Variants in NUP214 observed in about 807,000 individuals in gnomAD.
NUP214 encodes the protein nuclear pore complex protein Nup214.
A neutral mutation model predicts 196.2 loss-of-function variants in NUP214; 79 were observed. The observed-to-expected ratio is 0.40, with a 90% CI of 0.34 to 0.49. The LOEUF is 0.49. Ranked by LOEUF, NUP214 falls within the 20% of genes least tolerant of loss-of-function variation. The pLI is 0.58. For synonymous variants in NUP214, 1,020 were observed against 990.5 expected, an observed-to-expected ratio of 1.03 and a Z score of -0.56; for missense variants, 2,468 against 2,539.0, an observed-to-expected ratio of 0.97 and a Z score of 0.60.
At chr9:131,158,510 C>G (rs1397352933) in intron 17 of NUP214, among the ~76,000 whole-genome samples, 2 of 152,154 alleles carry the variant, frequency 1.3e-5, no homozygotes, top group African/African-American at 2.4e-5. Flanking sequence ...ATGACAGATT[C>G]AGTTTTTAGT....
intron 21 of NUP214, among the ~76,000 whole-genome samples, chr9:131,169,034 G>GTTTTTTTTTT (rs58054099): frequency 2.4e-5 from 3 of 124,132 alleles, no homozygotes; most frequent in African/African-American, 6.2e-5. Context: ...GTTTTTTTTT[G>GTTTTTTTTTT]TTTTTTTTTT....
Position 131,128,466 on chromosome 9 carries a change from C to A in NUP214, c.376C>A (p.Arg126Ser). 6.2e-7 allele frequency: 1 copy of A among 1,612,170 alleles called. No individual in the cohort carries two copies. Among genetic ancestry groups the A allele is most frequent in the East Asian group, 2.2e-5 (1 of 44,844 alleles). The change falls in exon 3 of 36, where the codon CGC becomes AGC. Residue 126 changes from arginine (R) to serine (S), a missense_variant. By Grantham distance (110) the Arg-to-Ser change is moderately radical (BLOSUM62 -1). Coordinates refer to ENST00000359428, the MANE Select transcript of NUP214 (RefSeq NM_005085.4). Reference sequence around the variant, plus strand: ...TTCCATTATTGCTTTTTTTGATGTTCGCACATTCTCAAATGAGGTAAGCTA... The same window carrying A: ...TTCCATTATTGCTTTTTTTGATGTTAGCACATTCTCAAATGAGGTAAGCTA... ...YGSIIAFFDVRTFSNEAKQQK... is the reference protein window; with the variant it reads ...YGSIIAFFDVSTFSNEAKQQK...
intron 17 of NUP214, among the ~76,000 whole-genome samples, chr9:131,154,060 G>A (rs1232963447): frequency 6.6e-6 from 1 of 152,204 alleles, no homozygotes; most frequent in Non-Finnish European, 1.5e-5. Flanking sequence ...ACGCAGAGGT[G>A]TGGTTGTATC....
In NUP214 at chr9:131,139,319, A is replaced by C. The variant is rs775954498; in HGVS notation, c.1044A>C (p.Arg348=). 14 of 1,552,478 alleles carry C rather than the reference A, an allele frequency of 9.0e-6. No individual in the cohort carries two copies. The South Asian group carries it at 1.3e-4, about 15-fold the overall frequency. ...CTTGGCTACTGGAGGATTCTAGTCG[A>C]GCTGAATTGCCTGTGACAGACAAGA... ...WESWLLEDSS[R]AELPVTDKSD... The change falls in exon 10 of 36, where the codon CGA becomes CGC. Residue 348 remains arginine (R), a synonymous_variant. Transcript: ENST00000359428.
intron 21 of NUP214, among the ~76,000 whole-genome samples, chr9:131,164,905 G>T (rs187421396): frequency 1.6e-4 from 24 of 152,172 alleles, no homozygotes; most frequent in African/African-American, 5.5e-4. Context: ...TTTTCTTTGA[G>T]ATTCTGTTTT....
intron 34 of NUP214, among the ~76,000 whole-genome samples, chr9:131,231,956 T>C (rs887616830): frequency 6.8e-6 from 1 of 147,368 alleles, no homozygotes; most frequent in African/African-American, 2.5e-5. Flanking sequence ...TGAATGGATC[T>C]ATGTGGTCCA....
At chr9:131,135,337 T>A in intron 8 of NUP214, 1 of 242,708 alleles carries the variant, frequency 4.1e-6, no homozygotes. Context: ...CCCAAAGTAC[T>A]GAGATTACAG....
At position 131,234,570 on chromosome 9, in the gene NUP214, C is replaced by G. The variant is rs1423079425; in HGVS notation, c.*1083C>G. Reference sequence around the variant, plus strand: ...GTGCTTTGGCTTGGGTCATGAGCAGCGGGGAGTTGGGAAGAGATTTTTTTT... The same window carrying G: ...GTGCTTTGGCTTGGGTCATGAGCAGGGGGGAGTTGGGAAGAGATTTTTTTT... On this transcript the variant is annotated 3_prime_UTR_variant, in exon 36 of 36. Coordinates refer to ENST00000359428, the MANE Select transcript of NUP214 (RefSeq NM_005085.4). The G allele has an allele frequency of 8.7e-6, 2 of 230,384 alleles. No homozygotes were observed. Among genetic ancestry groups the G allele is most frequent in the East Asian group, 1.2e-4 (2 of 16,350 alleles). The allele number at this position is 230,384 out of a possible 1,614,324, so 14.3% of individuals were successfully genotyped here. A position where few individuals can be genotyped will look rare whatever the true frequency, so the allele number is the denominator to read the frequency against.
intron 16 of NUP214, among the ~76,000 whole-genome samples, chr9:131,151,348 A>G (rs1832257703): frequency 6.6e-6 from 1 of 152,226 alleles, no homozygotes; most frequent in Non-Finnish European, 1.5e-5. Context: ...GTCAAAAGTC[A>G]CCCACTTAGC....
chr9:131,139,278 T>TTTTTTC lies in NUP214; in HGVS notation c.1006-3_1006-2insTTTTTC. ...TTCTTTTTTTTTTTTTTTTTTTTTT[T>TTTTTTC]AGATTAATTGGGAATCTTGGCTACT... On this transcript the variant is annotated splice_region_variant and splice_polypyrimidine_tract_variant and intron_variant, in intron 9 of 35. Coordinates refer to ENST00000359428, the MANE Select transcript of NUP214 (RefSeq NM_005085.4). 1 of 1,390,410 alleles carries TTTTTTC rather than the reference T, an allele frequency of 7.2e-7. No homozygotes were observed. Among genetic ancestry groups the TTTTTTC allele is most frequent in the South Asian group, 1.6e-5 (1 of 61,294 alleles). The allele number at this position is 1,390,410 out of a possible 1,614,324, so 86.1% of individuals were successfully genotyped here.
chr9:131,193,674 C>G (rs368643684), intron 27 of NUP214, among the ~76,000 whole-genome samples: 13 of 17,864 alleles, frequency 7.3e-4, no homozygotes, highest in East Asian at 4.5e-3. Context: ...GATTTTCAGG[C>G]AGAGTATCAC....
At chr9:131,177,431 A>G (rs1298268325) in intron 23 of NUP214, among the ~76,000 whole-genome samples, 3 of 152,206 alleles carry the variant, frequency 2.0e-5, no homozygotes, top group Non-Finnish European at 4.4e-5. Flanking sequence ...GGATTGTTCC[A>G]CTCAGCAGAA....
chr9:131,130,137 G>GTTTTTTTTTGT (rs1831491538), intron 4 of NUP214, among the ~76,000 whole-genome samples: 2 of 76,894 alleles, frequency 2.6e-5, no homozygotes, highest in Non-Finnish European at 2.3e-5. Flanking sequence ...TTCTGGTTTT[G>GTTTTTTTTTGT]TTTTTTTTTT....
At chr9:131,182,297 C>T (rs892632219) in intron 24 of NUP214, among the ~76,000 whole-genome samples, 21 of 152,172 alleles carry the variant, frequency 1.4e-4, no homozygotes, top group African/African-American at 4.8e-4. Flanking sequence ...AGACCAGTAC[C>T]GGTCTGTGGC....
chr9:131,129,997 T>C (rs1391011467), intron 4 of NUP214, among the ~76,000 whole-genome samples: 2 of 152,198 alleles, frequency 1.3e-5, no homozygotes, highest in African/African-American at 4.8e-5. Context: ...AGAAATATTT[T>C]GGTACAGCTG....
intron 3 of NUP214, among the ~76,000 whole-genome samples, chr9:131,128,997 T>G (rs1267526874): frequency 2.0e-5 from 3 of 152,216 alleles, no homozygotes; most frequent in Non-Finnish European, 4.4e-5. Context: ...GAGCCAAGAT[T>G]TTAATCTATT....
chr9:131,174,376 G>A (rs901484746), intron 22 of NUP214, 58 bp downstream of exon 22: 14 of 1,563,444 alleles, frequency 9.0e-6, no homozygotes, highest in African/African-American at 4.2e-5. Context: ...AACTAATGAC[G>A]GAATTGTAAC....
chr9:131,226,162 C>T (rs1035399400), intron 32 of NUP214, among the ~76,000 whole-genome samples: 1 of 152,092 alleles, frequency 6.6e-6, no homozygotes, highest in African/African-American at 2.4e-5. Flanking sequence ...GTAAGGATCC[C>T]AGGCTTATTG....
chr9:131,125,601 C>G lies in NUP214; in HGVS notation c.-104C>G, dbSNP rs1025923428. The G allele has an allele frequency of 1.9e-6, 3 of 1,548,432 alleles. No individual in the cohort carries two copies. The highest frequency in any genetic ancestry group is 2.6e-6 in the Non-Finnish European group (3 of 1,145,224). ...CCGGAAATGCGAGGTCAACTGCGCG[C>G]CGCTGGCGCTGAGGGGAGGAAGTTT... On this transcript the variant is annotated 5_prime_UTR_variant, in exon 1 of 36. Transcript: ENST00000359428. The surrounding 1 kb of genome is among the most constrained non-coding windows in gnomAD (Gnocchi z 4.1).
Sources: allele counts gnomAD v4.1 joint callset (sites outside exome capture counted in the v4.1 genomes callset), GRCh38; gene constraint gnomAD v4.1.1; non-coding constraint Gnocchi (gnomAD v3.1); transcripts MANE v1.5; gene names NCBI Gene and HGNC (gene_info 2026-07-23, HGNC 2026-07-21).